The following LRRC4B variants were observed in gnomAD, a reference collection of about 807,000 sequenced individuals.
LRRC4B encodes leucine rich repeat containing 4B, also known as leucine-rich repeat-containing protein 4B.
In LRRC4B, 1 loss-of-function variant was observed where a neutral mutation model predicts 7.3. The ratio of observed to expected loss-of-function variants is 0.14; its 90% CI spans 0.05 to 0.65. The LOEUF is 0.65. Among genes scored for constraint, LRRC4B ranks in the 30% least tolerant of loss-of-function variants. LRRC4B has a pLI of 0.84. For missense variants in LRRC4B, 730 were observed against 1,041.6 expected, an observed-to-expected ratio of 0.70 and a Z score of 4.12; for synonymous variants, 500 against 499.2, an observed-to-expected ratio of 1.00 and a Z score of -0.02.
intron 2 of LRRC4B, among the ~76,000 whole-genome samples, chr19:50,547,590 C>T (rs1473598276): frequency 6.6e-6 from 1 of 150,454 alleles, no homozygotes; most frequent in African/African-American, 2.4e-5. Context: ...GGTAATGATC[C>T]CCTGGGAATC....
At chr19:50,523,811 T>C (rs1980686359) in intron 2 of LRRC4B, among the ~76,000 whole-genome samples, 1 of 151,178 alleles carries the variant, frequency 6.6e-6, no homozygotes, top group Non-Finnish European at 1.5e-5. Flanking sequence ...TACAAAAAAT[T>C]AGTCAGGCAT....
Position 50,518,276 on chromosome 19 carries a change from C to T in LRRC4B, c.1437G>A (p.Gly479=), listed in dbSNP as rs1001094200. Residue 479 remains glycine (G), a synonymous_variant, in exon 3 of 3, where the codon GGG becomes GGA. Coordinates refer to ENST00000652263, the MANE Select transcript of LRRC4B (RefSeq NM_001080457.2). ...TGAAGTAGGTGTAGCCGCCACTGCC[C>T]CCTCCAACACCACCACTGCCCCCAG... The part of the protein sequence containing the change: ...GGPGGSGGVG[G]GSGGYTYFTT... 1 of 1,599,850 alleles carries T rather than the reference C, an allele frequency of 6.3e-7. No homozygotes were observed. Among genetic ancestry groups the T allele is most frequent in the Admixed American group, 1.7e-5 (1 of 58,140 alleles).
rs1980419332 is a variant in LRRC4B, at chr19:50,518,714, G to A, written c.999C>T (p.Asn333=). The A allele has an allele frequency of 2.5e-6, 4 of 1,613,942 alleles. No individual in the cohort carries two copies. The highest frequency in any genetic ancestry group is 3.4e-6 in the Non-Finnish European group (4 of 1,179,946). The change falls in exon 3 of 3, where the codon AAC becomes AAT. Residue 333 remains asparagine (N), a synonymous_variant. Coordinates refer to ENST00000652263, the MANE Select transcript of LRRC4B (RefSeq NM_001080457.2). ...SWWLKETVPS[N]TTCCARCHAP... is the part of the protein sequence containing the mutation. ...CATGACAGCGGGCGCAGCACGTCGT[G>A]TTGCTGGGCACCGTCTCCTTGAGCC...
At chr19:50,562,556 A>C (rs1982501775) in intron 1 of LRRC4B, among the ~76,000 whole-genome samples, 1 of 152,034 alleles carries the variant, frequency 6.6e-6, no homozygotes, top group Non-Finnish European at 1.5e-5. Flanking sequence ...TCTGCAGTGG[A>C]GCTGTGGCTG....
intron 2 of LRRC4B, among the ~76,000 whole-genome samples, chr19:50,541,494 T>C (rs1017262124): frequency 2.0e-5 from 3 of 151,886 alleles, no homozygotes; most frequent in African/African-American, 2.4e-5. Context: ...GCCAAAAGGG[T>C]TGGGGACCGC....
intron 1 of LRRC4B, among the ~76,000 whole-genome samples, chr19:50,563,000 A>G (rs1261462742): frequency 6.6e-6 from 1 of 151,922 alleles, no homozygotes; most frequent in East Asian, 1.9e-4. Flanking sequence ...TCAGCCTCCC[A>G]AAGTGTTGAG....
intron 1 of LRRC4B, among the ~76,000 whole-genome samples, chr19:50,551,565 G>A (rs1316334498): frequency 3.2e-4 from 22 of 69,320 alleles, no homozygotes; most frequent in Non-Finnish European, 4.4e-4. Context: ...CTCCCCCTCC[G>A]CCTCTGGTCC....
At chr19:50,554,432 C>G (rs1429125729) in intron 1 of LRRC4B, among the ~76,000 whole-genome samples, 1 of 152,106 alleles carries the variant, frequency 6.6e-6, no homozygotes. Flanking sequence ...ACAGGAGGTC[C>G]CCAGCGCAGC....
chr19:50,568,115 G>A lies in LRRC4B; in HGVS notation c.-207C>T, dbSNP rs1982701816. ...GCTCTCCCCCCTCCCCGGCTCCTGG[G>A]TGGGGAGGGGGCTTCCGCAGCGGCG... is the stretch of plus-strand genomic sequence containing the variant. On this transcript the variant is annotated 5_prime_UTR_variant, in exon 1 of 3. Coordinates refer to ENST00000652263, the MANE Select transcript of LRRC4B (RefSeq NM_001080457.2). 6.6e-6 allele frequency: 1 copy of A among 151,304 alleles called. No individual in the cohort carries two copies. Among genetic ancestry groups the A allele is most frequent in the Admixed American group, 6.6e-5 (1 of 15,204 alleles). The allele number at this position is 151,304 out of a possible 1,614,324, so 9.4% of individuals were successfully genotyped here. A position where few individuals can be genotyped will look rare whatever the true frequency, so the allele number is the denominator to read the frequency against.
At chr19:50,525,715 C>G (rs539434462) in intron 2 of LRRC4B, among the ~76,000 whole-genome samples, 3 of 151,986 alleles carry the variant, frequency 2.0e-5, no homozygotes, top group African/African-American at 7.2e-5. Context: ...CCACCCTCCC[C>G]GGCAAGAACT....
At position 50,553,631 on chromosome 19, in the gene LRRC4B, TTC is replaced by T. The variant is rs1982175093; in HGVS notation, c.-35-4760_-35-4759del. On this transcript the variant is annotated intron_variant, in intron 1 of 2. Coordinates refer to ENST00000652263, the MANE Select transcript of LRRC4B (RefSeq NM_001080457.2). This position sits in a 1 kb window ranked among gnomAD's most constrained non-coding sequence, Gnocchi z 4.2. Reference sequence around the variant, plus strand: ...AGCACCCCTATCCCTCTCCAGAACCTTCTCTGTTTCCTTTTTCTCCATGACAT... The same window carrying T: ...AGCACCCCTATCCCTCTCCAGAACCTTCTGTTTCCTTTTTCTCCATGACAT... Among the ~76,000 whole-genome samples the T allele has an allele frequency of 6.6e-6, 1 of 152,172 alleles. No homozygotes were observed. The highest frequency in any genetic ancestry group is 2.4e-5 in the African/African-American group (1 of 41,442).
At position 50,537,487 on chromosome 19, in the gene LRRC4B, TC is replaced by T. The variant is rs1981342483; in HGVS notation, c.297+11054del. Among the ~76,000 whole-genome samples the T allele has an allele frequency of 6.6e-6, 1 of 152,104 alleles. No individual in the cohort carries two copies. The highest frequency in any genetic ancestry group is 2.1e-4 in the South Asian group (1 of 4,822). Reference sequence around the variant, plus strand: ...AGGTGACTCAACGCCTTAGCGTCATTCGTGGAGGGGAGAACGCGGGTCTTGT... The same window carrying T: ...AGGTGACTCAACGCCTTAGCGTCATTGTGGAGGGGAGAACGCGGGTCTTGT... On this transcript the variant is annotated intron_variant, in intron 2 of 2. Transcript: ENST00000652263. This position sits in a 1 kb window ranked among gnomAD's most constrained non-coding sequence, Gnocchi z 5.5.
Position 50,548,690 on chromosome 19 carries a change from C to G in LRRC4B, c.149G>C (p.Gly50Ala). The G allele has an allele frequency of 6.5e-7, 1 of 1,547,652 alleles. No homozygotes were observed. The highest frequency in any genetic ancestry group is 8.7e-7 in the Non-Finnish European group (1 of 1,150,182). Residue 50 changes from glycine to alanine, a missense_variant, in exon 2 of 3, where the codon GGC becomes GCC. Gly to Ala is a moderately conservative substitution (Grantham distance 60, BLOSUM62 0). Around this residue, in one of 6 missense-constraint regions of LRRC4B, gnomAD observed 143 missense variants for 158.4 expected, o/e 0.90. Transcript: ENST00000652263. This position sits in a 1 kb window ranked among gnomAD's most constrained non-coding sequence, Gnocchi z 6.8. ...GVAVTSAAGG[G>A]SPPATSCPVA... ...GGGGCAGGAGGTGGCCGGCGGGGAGCCCCCTCCGGCGGCAGACGTCACGGC... is the reference window on the plus strand; with the variant it reads ...GGGGCAGGAGGTGGCCGGCGGGGAGGCCCCTCCGGCGGCAGACGTCACGGC...
In LRRC4B at chr19:50,524,926, G is replaced by A. The variant is rs78958511; in HGVS notation, c.298-5511C>T. ...ACAGTCACCTTTTGTCCATCCAGCA[G>A]CCCTAAGAACAAGGACTGTGATCGC... On this transcript the variant is annotated intron_variant, in intron 2 of 2. Transcript: ENST00000652263. Among the ~76,000 whole-genome samples the A allele has an allele frequency of 4.0e-3, 609 of 152,292 alleles. 4 individuals carry two copies. Among genetic ancestry groups the A allele is most frequent in the Non-Finnish European group, 6.6e-3 (450 of 68,026 alleles).
chr19:50,517,945 C>T lies in LRRC4B; in HGVS notation c.1768G>A (p.Ala590Thr). 1 of 1,554,854 alleles carries T rather than the reference C, an allele frequency of 6.4e-7. No homozygotes were observed. Among genetic ancestry groups the T allele is most frequent in the Non-Finnish European group, 8.6e-7 (1 of 1,156,902 alleles). ...GCFVAITFMA[A>T]VMLVAFYKLR... is the part of the protein sequence containing the mutation. Reference sequence around the variant, plus strand: ...TTGTAGAAGGCCACGAGCATCACCGCGGCCATGAACGTGATGGCCACGAAG... The same window carrying T: ...TTGTAGAAGGCCACGAGCATCACCGTGGCCATGAACGTGATGGCCACGAAG... Residue 590 changes from alanine (A) to threonine (T), a missense_variant, in exon 3 of 3, where the codon GCG (alanine) becomes ACG (threonine). By Grantham distance (58) the Ala-to-Thr change is moderately conservative. Transcript: ENST00000652263. This position sits in a 1 kb window ranked among gnomAD's most constrained non-coding sequence, Gnocchi z 6.6.
intron 1 of LRRC4B, among the ~76,000 whole-genome samples, chr19:50,551,323 G>A (rs1982051322): frequency 6.6e-6 from 1 of 150,892 alleles, no homozygotes; most frequent in Non-Finnish European, 1.5e-5. Flanking sequence ...GGGGGCGCAG[G>A]GGCTTCTTGG....
rs768118652 is a variant in LRRC4B, at chr19:50,517,928, G to T, written c.1785C>A (p.Ala595=). ...GGTGCTGCTTGCGCAGCTTGTAGAA[G>T]GCCACGAGCATCACCGCGGCCATGA... ...ITFMAAVMLV[A]FYKLRKQHQL... The change falls in exon 3 of 3, where the codon GCC becomes GCA. Residue 595 remains alanine (A), a synonymous_variant. Coordinates refer to ENST00000652263, the MANE Select transcript of LRRC4B (RefSeq NM_001080457.2). This position sits in a 1 kb window ranked among gnomAD's most constrained non-coding sequence, Gnocchi z 6.6. 1.3e-5 allele frequency: 21 copies of T among 1,570,138 alleles called. No individual in the cohort carries two copies. Among genetic ancestry groups the T allele is most frequent in the Non-Finnish European group, 1.8e-5 (21 of 1,163,910 alleles).
At position 50,548,533 on chromosome 19, in the gene LRRC4B, C is replaced by T. The variant is rs781296033; in HGVS notation, c.297+9G>A. Reference sequence around the variant, plus strand: ...CCAAGGTCCCCCTCTGCCCGCTGGCCCCGCATACCTGGATGCCGTTCTCTT... The same window carrying T: ...CCAAGGTCCCCCTCTGCCCGCTGGCTCCGCATACCTGGATGCCGTTCTCTT... On this transcript the variant is annotated intron_variant, in intron 2 of 2. Transcript: ENST00000652263. This position sits in a 1 kb window ranked among gnomAD's most constrained non-coding sequence, Gnocchi z 6.8. 2.5e-6 allele frequency: 4 copies of T among 1,588,470 alleles called. No individual in the cohort carries two copies. Among genetic ancestry groups the T allele is most frequent in the Non-Finnish European group, 3.4e-6 (4 of 1,174,584 alleles).
intron 1 of LRRC4B, among the ~76,000 whole-genome samples, chr19:50,562,671 T>C (rs1304985048): frequency 6.6e-6 from 1 of 150,794 alleles, no homozygotes; most frequent in Non-Finnish European, 1.5e-5. Flanking sequence ...AGCCTGGGAG[T>C]GGCTGGGGCT....
Sources: allele counts gnomAD v4.1 joint callset (sites outside exome capture counted in the v4.1 genomes callset), GRCh38; gene constraint gnomAD v4.1.1; regional missense constraint gnomAD v4.1.1; non-coding constraint Gnocchi (gnomAD v3.1); transcripts MANE v1.5; gene names NCBI Gene and HGNC (gene_info 2026-07-23, HGNC 2026-07-21).